The following NME7 variants were observed in gnomAD, a reference collection of about 807,000 sequenced individuals.
NME7 encodes the protein NME/NM23 family member 7, also known as nucleoside diphosphate kinase 7.
Under a neutral mutation model 49.1 loss-of-function variants are expected in NME7, and 41 were observed. That is an observed-to-expected ratio of 0.83 (90% CI 0.65 to 1.08). NME7 has a LOEUF of 1.08. NME7 is among the 50% of genes least tolerant of loss of function. The pLI is 0.00. For missense variants in NME7, 423 were observed against 463.4 expected (o/e 0.91, Z 0.80); for synonymous variants, 139 against 150.6 (o/e 0.92, Z 0.56).
chr1:169,303,005 T>TA, intron 5 of NME7, 140 bp downstream of exon 5: 3 of 484,358 alleles, frequency 6.2e-6, no homozygotes, highest in Non-Finnish European at 1.1e-5. Flanking sequence ...ATATAATTCT[T>TA]AGAATTCTGT....
At chr1:169,342,518 G>GTATA (rs200145809) in intron 1 of NME7, among the ~76,000 whole-genome samples, 1 of 95,458 alleles carries the variant, frequency 1.0e-5, no homozygotes. Flanking sequence ...TATATATATA[G>GTATA]TATATATATA....
intron 10 of NME7, among the ~76,000 whole-genome samples, chr1:169,185,524 T>C (rs1660041586): frequency 6.6e-6 from 1 of 152,214 alleles, no homozygotes; most frequent in Non-Finnish European, 1.5e-5. Context: ...TATGTGTTTA[T>C]GCTGTGCTTT....
intron 1 of NME7, among the ~76,000 whole-genome samples, chr1:169,355,787 C>T (rs115271730): frequency 1.2e-4 from 19 of 152,130 alleles, no homozygotes; most frequent in Non-Finnish European, 2.6e-4. Flanking sequence ...TTCCATAACA[C>T]TTATCAAAAC....
intron 11 of NME7, among the ~76,000 whole-genome samples, chr1:169,161,959 GAT>G (rs1659260129): frequency 7.8e-6 from 1 of 128,454 alleles, no homozygotes; most frequent in African/African-American, 2.7e-5. Flanking sequence ...GGTCTTTTGA[GAT>G]GTTTTTTTTA....
intron 3 of NME7, among the ~76,000 whole-genome samples, chr1:169,321,338 T>A (rs1302071512): frequency 6.6e-6 from 1 of 152,080 alleles, no homozygotes; most frequent in African/African-American, 2.4e-5. Flanking sequence ...TCAGCCTGGG[T>A]GACAGAGCCA....
chr1:169,273,706 G>A (rs1649582776), intron 7 of NME7, among the ~76,000 whole-genome samples: 1 of 125,880 alleles, frequency 7.9e-6, no homozygotes, highest in South Asian at 2.5e-4. Flanking sequence ...GTGAGAACAT[G>A]CGGTGTTTGG....
At chr1:169,321,441 G>A (rs368218297) in intron 3 of NME7, among the ~76,000 whole-genome samples, 3 of 152,200 alleles carry the variant, frequency 2.0e-5, no homozygotes, top group African/African-American at 7.2e-5. Context: ...CTGGCACATA[G>A]TATGTGCTCC....
At position 169,215,507 on chromosome 1, in the gene NME7, G is replaced by A. The variant is rs114545938; in HGVS notation, c.990+15211C>T. ...ACCCCTGTCTGCCTAGAGTTTCTCT[G>A]CCTCCTACCTCTATTATTATTTATT... On this transcript the variant is annotated intron_variant, in intron 10 of 11. Transcript: ENST00000367811. Among the ~76,000 whole-genome samples the A allele has an allele frequency of 2.0e-3, 303 of 152,122 alleles. 4 individuals carry two copies. Among genetic ancestry groups the A allele is most frequent in the African/African-American group, 7.1e-3 (294 of 41,500 alleles).
chr1:169,194,614 G>A (rs2101768467), intron 10 of NME7, among the ~76,000 whole-genome samples: 1 of 152,130 alleles, frequency 6.6e-6, no homozygotes, highest in East Asian at 1.9e-4. Flanking sequence ...TCAGCTTATT[G>A]GGGCACTCAT....
chr1:169,266,292 T>A (rs1450835659), intron 7 of NME7, among the ~76,000 whole-genome samples: 2 of 133,796 alleles, frequency 1.5e-5, no homozygotes, highest in East Asian at 4.0e-4. Context: ...ATCCTTGGGA[T>A]ACAAGGTTAG....
At chr1:169,259,158 T>C (rs79858315) in intron 7 of NME7, among the ~76,000 whole-genome samples, 15,830 of 132,732 alleles carry the variant, frequency 0.12, 4,399 homozygotes, top group Admixed American at 0.25. Context: ...TATGCTCAGA[T>C]TAAATAATTT....
At chr1:169,359,123 C>T (rs1198818066) in intron 1 of NME7, among the ~76,000 whole-genome samples, 2 of 152,084 alleles carry the variant, frequency 1.3e-5, no homozygotes, top group Non-Finnish European at 2.9e-5. Flanking sequence ...AAGTCCCTTA[C>T]ATACAATGAT....
Position 169,342,545 on chromosome 1 carries a change from GTATA to G in NME7, c.4-18049_4-18046del, listed in dbSNP as rs1202239463. On this transcript the variant is annotated intron_variant, in intron 1 of 11. Transcript: ENST00000367811. ...ATATATATACAAGTACATATATATA[GTATA>G]TATATATATACAAGTACATATATAT... Among the ~76,000 whole-genome samples, 46 of 104,404 alleles carry G rather than the reference GTATA, an allele frequency of 4.4e-4. 2 individuals carry two copies. The highest frequency in any genetic ancestry group is 1.2e-3 in the East Asian group (5 of 4,014). 68.5% of individuals were successfully genotyped at this position (104,404 alleles called of 152,430 possible).
chr1:169,293,046 A>G (rs1439550780), intron 6 of NME7, among the ~76,000 whole-genome samples: 1 of 152,148 alleles, frequency 6.6e-6, no homozygotes, highest in African/African-American at 2.4e-5. Context: ...CTGTAATCCC[A>G]GCATTTTGGG....
At chr1:169,236,632 A>T (rs12410387) in intron 8 of NME7, among the ~76,000 whole-genome samples, 12,575 of 151,912 alleles carry the variant, frequency 0.083, 703 homozygotes, top group Admixed American at 0.19. Flanking sequence ...TTGGCTGACA[A>T]TTACTTTATA....
rs756396458 is a variant in NME7 at position 169,132,837 on chromosome 1, A to G, written c.1099-20T>C. On this transcript the variant is annotated intron_variant, in intron 11 of 11. Transcript: ENST00000367811. ...TTGAACCTGAAACGGAGAAACACAT[A>G]ATTTCTTAGTTCAGACAAATTTTGG... is the stretch of plus-strand genomic sequence containing the variant. 6.2e-7 allele frequency: 1 copy of G among 1,612,002 alleles called. No individual in the cohort carries two copies. Among genetic ancestry groups the G allele is most frequent in the East Asian group, 2.2e-5 (1 of 44,732 alleles).
intron 10 of NME7, among the ~76,000 whole-genome samples, chr1:169,199,446 C>A (rs10919092): frequency 0.095 from 12,187 of 127,628 alleles, 690 homozygotes; most frequent in Admixed American, 0.22. Flanking sequence ...AACCCAGGGT[C>A]TTTTTTATTA....
intron 11 of NME7, among the ~76,000 whole-genome samples, chr1:169,151,950 A>G (rs1001596892): frequency 1.3e-5 from 2 of 152,172 alleles, no homozygotes; most frequent in African/African-American, 4.8e-5. Flanking sequence ...TTAAAAATAC[A>G]TTATTTGAAA....
At chr1:169,302,430 A>C (rs1445347583) in intron 5 of NME7, 1 of 152,246 alleles carries the variant, frequency 6.6e-6, no homozygotes, top group African/African-American at 2.4e-5. Flanking sequence ...TGCAATAAAA[A>C]AGAATGAAAT....
Sources: gnomAD v4.1 joint callset for allele counts (sites outside exome capture counted in the v4.1 genomes callset) on GRCh38, gnomAD v4.1.1 for gene constraint, MANE v1.5 for transcripts, NCBI Gene and HGNC (gene_info 2026-07-23, HGNC 2026-07-21) for gene names.